The following SLC35F1 variants were observed in gnomAD, a reference collection of about 807,000 sequenced individuals.
SLC35F1 encodes the protein chromosome 6 open reading frame 169.
A neutral mutation model predicts 48.7 loss-of-function variants in SLC35F1; 14 were observed. The observed-to-expected ratio is 0.29, with a 90% CI of 0.19 to 0.45. SLC35F1 has a LOEUF of 0.45. Among genes scored for constraint, SLC35F1 ranks in the 20% least tolerant of loss-of-function variants. The pLI, the probability that SLC35F1 is intolerant of heterozygous loss-of-function variation, is 1.00. For missense variants in SLC35F1, 404 were observed against 500.0 expected, an observed-to-expected ratio of 0.81 and a Z score of 1.83; for synonymous variants, 190 against 202.2, an observed-to-expected ratio of 0.94 and a Z score of 0.51.
chr6:117,909,018 G>A (rs1175225888), intron 1 of SLC35F1, among the ~76,000 whole-genome samples: 1 of 152,214 alleles, frequency 6.6e-6, no homozygotes, highest in African/African-American at 2.4e-5. Context: ...TGGGAGTATA[G>A]TTTAATTTAG....
chr6:117,911,869 A>G (rs1392472227), intron 1 of SLC35F1, among the ~76,000 whole-genome samples: 1 of 152,232 alleles, frequency 6.6e-6, no homozygotes, highest in East Asian at 1.9e-4. Flanking sequence ...CTGATCAGGT[A>G]GATTTCTTAG....
chr6:117,993,964 G>C (rs1002803203), intron 1 of SLC35F1, among the ~76,000 whole-genome samples: 4 of 152,182 alleles, frequency 2.6e-5, no homozygotes, highest in African/African-American at 9.6e-5. Flanking sequence ...TCAGAAGTCT[G>C]AGTGGGCTTA....
chr6:118,015,124 T>A (rs1777303228), intron 1 of SLC35F1, among the ~76,000 whole-genome samples: 1 of 152,162 alleles, frequency 6.6e-6, no homozygotes, highest in Non-Finnish European at 1.5e-5. Flanking sequence ...TAAGACATGC[T>A]TTTCGCCTTC....
At chr6:117,917,095 C>G (rs1202763304) in intron 1 of SLC35F1, among the ~76,000 whole-genome samples, 1 of 152,092 alleles carries the variant, frequency 6.6e-6, no homozygotes, top group African/African-American at 2.4e-5. Context: ...TTTGGCTGGT[C>G]AGGCCTCTCT....
intron 1 of SLC35F1, among the ~76,000 whole-genome samples, chr6:118,110,595 G>A (rs1223703701): frequency 1.3e-5 from 2 of 152,150 alleles, no homozygotes; most frequent in Non-Finnish European, 2.9e-5. Flanking sequence ...TATACGTTTA[G>A]GAATTAGGTT....
chr6:118,070,795 T>C (rs1294712817), intron 1 of SLC35F1, among the ~76,000 whole-genome samples: 1 of 147,758 alleles, frequency 6.8e-6, no homozygotes, highest in Non-Finnish European at 1.5e-5. Context: ...AACCTCCCAA[T>C]ATAGTGATAT....
At chr6:118,183,914 C>T (rs1360812713) in intron 2 of SLC35F1, among the ~76,000 whole-genome samples, 1 of 152,254 alleles carries the variant, frequency 6.6e-6, no homozygotes, top group South Asian at 2.1e-4. Context: ...CAAATAGTCT[C>T]TTATTCTTTG....
chr6:118,286,775 C>CTGTGTGTGTGTGTGTGTG (rs372641234), intron 7 of SLC35F1, among the ~76,000 whole-genome samples: 3 of 143,578 alleles, frequency 2.1e-5, no homozygotes, highest in African/African-American at 7.8e-5. Context: ...TACCTTTTTT[C>CTGTGTGTGTGTGTGTGTG]TGTGTGTGTG....
intron 2 of SLC35F1, among the ~76,000 whole-genome samples, chr6:118,169,690 T>A (rs1025732074): frequency 6.6e-6 from 1 of 152,096 alleles, no homozygotes; most frequent in African/African-American, 2.4e-5. Context: ...AATCCCTCTT[T>A]TAAAACATTA....
chr6:118,226,406 G>A (rs148088307), intron 2 of SLC35F1, among the ~76,000 whole-genome samples: 16 of 152,154 alleles, frequency 1.1e-4, no homozygotes, highest in Admixed American at 4.6e-4. Context: ...AGTTATCTGC[G>A]TTTCTGTGTT....
At chr6:118,222,399 CTT>C (rs71272359) in intron 2 of SLC35F1, among the ~76,000 whole-genome samples, 2 of 143,864 alleles carry the variant, frequency 1.4e-5, no homozygotes, top group Non-Finnish European at 1.5e-5. Context: ...AATTTAGGTG[CTT>C]TTTTTTTTTC....
intron 1 of SLC35F1, among the ~76,000 whole-genome samples, chr6:117,999,764 G>T (rs1417700033): frequency 4.6e-5 from 7 of 151,452 alleles, no homozygotes; most frequent in Non-Finnish European, 1.0e-4. Context: ...TGATAAAGGG[G>T]ATATCACCAC....
At chr6:117,953,350 A>AT (rs1369617364) in intron 1 of SLC35F1, among the ~76,000 whole-genome samples, 1 of 151,990 alleles carries the variant, frequency 6.6e-6, no homozygotes, top group African/African-American at 2.4e-5. Context: ...TATTTGCTTT[A>AT]TTTTTTATTG....
intron 3 of SLC35F1, among the ~76,000 whole-genome samples, chr6:118,247,116 A>G (rs749608601): frequency 6.6e-5 from 10 of 152,218 alleles, no homozygotes; most frequent in Non-Finnish European, 8.8e-5. Flanking sequence ...AAGAAGATAC[A>G]TTTTGCCTAA....
intron 1 of SLC35F1, among the ~76,000 whole-genome samples, chr6:117,949,039 G>A (rs1016969256): frequency 6.6e-6 from 1 of 152,106 alleles, no homozygotes; most frequent in African/African-American, 2.4e-5. Flanking sequence ...CAAGCGGGGT[G>A]CTATTCATAA....
intron 1 of SLC35F1, among the ~76,000 whole-genome samples, chr6:118,078,260 A>G (rs574768181): frequency 1.3e-5 from 2 of 152,234 alleles, no homozygotes; most frequent in African/African-American, 4.8e-5. Context: ...AGTTGAATAC[A>G]ATGAAAGTCA....
chr6:118,282,324 G>A (rs1775994145), intron 6 of SLC35F1, among the ~76,000 whole-genome samples: 1 of 152,116 alleles, frequency 6.6e-6, no homozygotes, highest in African/African-American at 2.4e-5. Context: ...GCTTTGCTTG[G>A]GAAACAGTAT....
chr6:117,956,611 C>T (rs182264567), intron 1 of SLC35F1, among the ~76,000 whole-genome samples: 134 of 152,288 alleles, frequency 8.8e-4, no homozygotes, highest in African/African-American at 2.8e-3. Flanking sequence ...GCCTTATTAA[C>T]GGGCCACTGC....
chr6:118,254,491 A>G (rs562675246), intron 3 of SLC35F1, among the ~76,000 whole-genome samples: 5 of 152,218 alleles, frequency 3.3e-5, no homozygotes, highest in Admixed American at 2.6e-4. Context: ...TTTGTTGCCC[A>G]GGCTGGTCTT....
Sources: allele counts gnomAD v4.1 joint callset (sites outside exome capture counted in the v4.1 genomes callset), GRCh38; gene constraint gnomAD v4.1.1; transcripts MANE v1.5; gene names NCBI Gene and HGNC (gene_info 2026-07-23, HGNC 2026-07-21).